RESF1: variants seen among roughly 807,000 people sequenced by gnomAD.
RESF1 encodes gonad expressed transcript.
Under a neutral mutation model 134.7 loss-of-function variants are expected in RESF1, and 65 were observed. The observed-to-expected ratio is 0.48, with a 90% CI of 0.40 to 0.59. The LOEUF is 0.59. Among genes scored for constraint, RESF1 ranks in the 20% least tolerant of loss-of-function variants. The pLI is 0.00. For synonymous variants in RESF1, 762 were observed against 702.2 expected, an observed-to-expected ratio of 1.09 and a Z score of -1.35; for missense variants, 2,274 against 2,002.7, an observed-to-expected ratio of 1.14 and a Z score of -2.59.
In RESF1 at chr12:31,982,288, C is replaced by G. The variant is rs780974777; in HGVS notation, c.1333C>G (p.Leu445Val). ...SEPAQNSKLS[L>V]KQTAKIQSGP... ...ACCAGCTCAGAATTCTAAATTGTCTCTAAAACAAACTGCCAAAATCCAGTC... is the reference window on the plus strand; with the variant it reads ...ACCAGCTCAGAATTCTAAATTGTCTGTAAAACAAACTGCCAAAATCCAGTC... Residue 445 changes from leucine to valine, a missense_variant, in exon 4 of 6, where the codon CTA (leucine) becomes GTA (valine). Coordinates refer to ENST00000312561, the MANE Select transcript of RESF1 (RefSeq NM_018169.4). 1.9e-6 allele frequency: 3 copies of G among 1,614,088 alleles called. No homozygotes were observed. In the South Asian group the frequency reaches 3.3e-5, roughly 18 times the overall value.
At position 31,981,076 on chromosome 12, in the gene RESF1, A is replaced by C; in HGVS notation, c.121A>C (p.Ser41Arg). ...TACCACAACATCTCAGAGTTCTTTC[A>C]GCTATCCTGGAAGTAACCAAGAAGC... ...QITTTSQSSF[S>R]YPGSNQEACM... The change falls in exon 4 of 6, where the codon AGC becomes CGC. Residue 41 changes from serine (S) to arginine (R), a missense_variant. Ser to Arg is a moderately radical substitution (Grantham distance 110, BLOSUM62 -1). Transcript: ENST00000312561. 6.2e-7 allele frequency: 1 copy of C among 1,614,192 alleles called. No homozygotes were observed. Among genetic ancestry groups the C allele is most frequent in the South Asian group, 1.1e-5 (1 of 91,084 alleles).
chr12:31,961,164 GTTTA>G (rs146347920), intron 2 of RESF1, among the ~76,000 whole-genome samples: 2,100 of 152,304 alleles, frequency 0.014, 31 homozygotes, highest in African/African-American at 0.047. Flanking sequence ...TCTGTGCTGT[GTTTA>G]TTTGATTGTT....
chr12:31,965,610 C>T (rs1482773064), intron 2 of RESF1, among the ~76,000 whole-genome samples: 1 of 152,298 alleles, frequency 6.6e-6, no homozygotes, highest in Admixed American at 6.5e-5. Context: ...TTTAGAGGAA[C>T]TCTTCTGTTC....
chr12:31,990,478 C>T (rs1046251272), intron 5 of RESF1, among the ~76,000 whole-genome samples: 12 of 152,086 alleles, frequency 7.9e-5, no homozygotes, highest in Non-Finnish European at 1.3e-4. Context: ...TAGACAGTCT[C>T]GCTGTGTCGC....
intron 3 of RESF1, among the ~76,000 whole-genome samples, chr12:31,975,483 C>G (rs897575715): frequency 6.6e-6 from 1 of 152,126 alleles, no homozygotes; most frequent in Non-Finnish European, 1.5e-5. Context: ...TATGCATCTA[C>G]TATTATAAGA....
At chr12:31,972,345 G>A (rs540284474) in intron 3 of RESF1, among the ~76,000 whole-genome samples, 7 of 151,914 alleles carry the variant, frequency 4.6e-5, no homozygotes, top group East Asian at 1.9e-4. Context: ...AGTGGCTCAC[G>A]CCTGTAATCC....
Position 31,992,717 on chromosome 12 carries a change from TAAGAAATGGA to T in RESF1, c.*183_*192del. ...CTTGAGAACTTTGGGTAGCCATGTG[TAAGAAATGGA>T]TGGTATTCACCGGGGAAACAAGGTA... is the stretch of plus-strand genomic sequence containing the variant. On this transcript the variant is annotated 3_prime_UTR_variant, in exon 6 of 6. Coordinates refer to ENST00000312561, the MANE Select transcript of RESF1 (RefSeq NM_018169.4). The T allele has an allele frequency of 3.2e-6, 2 of 625,202 alleles. No homozygotes were observed. Among genetic ancestry groups the T allele is most frequent in the Non-Finnish European group, 5.7e-6 (2 of 353,260 alleles). 38.7% of individuals were successfully genotyped at this position (625,202 alleles called of 1,614,324 possible). A position where few individuals can be genotyped will look rare whatever the true frequency, so the allele number is the denominator to read the frequency against.
At chr12:31,963,362 C>A (rs150252221) in intron 2 of RESF1, among the ~76,000 whole-genome samples, 13 of 151,000 alleles carry the variant, frequency 8.6e-5, no homozygotes, top group African/African-American at 3.2e-4. Flanking sequence ...AAAAAAAGTT[C>A]ATGGAGCACA....
intron 3 of RESF1, among the ~76,000 whole-genome samples, chr12:31,978,350 T>G (rs1318784471): frequency 1.3e-5 from 2 of 152,154 alleles, no homozygotes; most frequent in Admixed American, 6.5e-5. Flanking sequence ...CATCTGATAC[T>G]CAGTTTTGTG....
chr12:31,980,335 T>C (rs879386957), intron 3 of RESF1, among the ~76,000 whole-genome samples: 1 of 152,092 alleles, frequency 6.6e-6, no homozygotes, highest in Non-Finnish European at 1.5e-5. Flanking sequence ...GGTCTCAAAC[T>C]CTTGGCCTCA....
Position 31,980,929 on chromosome 12 carries a change from A to G in RESF1, c.-27A>G. The G allele has an allele frequency of 6.5e-7, 1 of 1,527,192 alleles. No homozygotes were observed. Among genetic ancestry groups the G allele is most frequent in the Non-Finnish European group, 8.9e-7 (1 of 1,127,068 alleles). The allele number at this position is 1,527,192 out of a possible 1,614,324, so 94.6% of individuals were successfully genotyped here. ...GTAACTGACTTATAACTGACTTGTAATACACTGCTACTATATCAAACCGAC... is the reference window on the plus strand; with the variant it reads ...GTAACTGACTTATAACTGACTTGTAGTACACTGCTACTATATCAAACCGAC... On this transcript the variant is annotated 5_prime_UTR_variant, in exon 4 of 6. Coordinates refer to ENST00000312561, the MANE Select transcript of RESF1 (RefSeq NM_018169.4).
Position 31,984,803 on chromosome 12 carries a change from G to A in RESF1, c.3848G>A (p.Cys1283Tyr), listed in dbSNP as rs1235799968. ...ELVAGQFSSK[C>Y]DKLNPLQNHK... ...GTTGCTGGTCAGTTTTCATCTAAAT[G>A]TGATAAACTAAATCCCTTGCAAAAT... The change falls in exon 4 of 6, where the codon TGT becomes TAT. Residue 1283 changes from cysteine (C) to tyrosine (Y), a missense_variant. Transcript: ENST00000312561. The A allele has an allele frequency of 6.2e-7, 1 of 1,609,904 alleles. No individual in the cohort carries two copies. The highest frequency in any genetic ancestry group is 1.7e-5 in the Admixed American group (1 of 58,980).
chr12:31,969,445 A>T (rs996491874), intron 2 of RESF1, among the ~76,000 whole-genome samples: 2 of 152,300 alleles, frequency 1.3e-5, no homozygotes, highest in African/African-American at 4.8e-5. Flanking sequence ...TGGAGTTGGC[A>T]GTGAGCTGAG....
intron 2 of RESF1, among the ~76,000 whole-genome samples, chr12:31,966,168 G>A (rs1369777181): frequency 6.6e-6 from 1 of 151,718 alleles, no homozygotes; most frequent in Admixed American, 6.6e-5. Context: ...AAAAAAAATT[G>A]CAAAAAAAAA....
Position 31,980,869 on chromosome 12 carries a change from T to C in RESF1, c.-78-9T>C, listed in dbSNP as rs532510407. The C allele has an allele frequency of 1.4e-5, 14 of 993,004 alleles. No homozygotes were observed. The Admixed American group carries it at 3.0e-4, about 21-fold the overall frequency. The allele number at this position is 993,004 out of a possible 1,614,324, so 61.5% of individuals were successfully genotyped here. A position where few individuals can be genotyped will look rare whatever the true frequency, so the allele number is the denominator to read the frequency against. Reference sequence around the variant, plus strand: ...CAGCATTTTAATAAAATATCTTTATTTCTTACAGATTCCTGACATTCAGAC... The same window carrying C: ...CAGCATTTTAATAAAATATCTTTATCTCTTACAGATTCCTGACATTCAGAC... On this transcript the variant is annotated splice_polypyrimidine_tract_variant and intron_variant, in intron 3 of 5. Coordinates refer to ENST00000312561, the MANE Select transcript of RESF1 (RefSeq NM_018169.4).
intron 4 of RESF1, among the ~76,000 whole-genome samples, 166 bp downstream of exon 4, chr12:31,986,123 A>G (rs1275843324): frequency 6.6e-6 from 1 of 152,194 alleles, no homozygotes; most frequent in African/African-American, 2.4e-5. Flanking sequence ...TCATTGGGCA[A>G]TATTTGTTTT....
intron 3 of RESF1, among the ~76,000 whole-genome samples, chr12:31,976,544 A>G (rs777478426): frequency 6.6e-4 from 100 of 152,172 alleles, no homozygotes; most frequent in Admixed American, 2.9e-3. Flanking sequence ...TTAGCCTGGC[A>G]TGGTGGTGGG....
chr12:31,960,197 C>CCTA (rs1398924912), intron 1 of RESF1, among the ~76,000 whole-genome samples: 1 of 152,144 alleles, frequency 6.6e-6, no homozygotes, highest in Non-Finnish European at 1.5e-5. Context: ...AGCAAACGTC[C>CCTA]TTAGGGTCCT....
At chr12:31,968,299 A>G (rs1388662962) in intron 2 of RESF1, among the ~76,000 whole-genome samples, 2 of 152,212 alleles carry the variant, frequency 1.3e-5, no homozygotes, top group East Asian at 1.9e-4. Context: ...TAGTATTTTA[A>G]TGTATATTAT....
Sources: gnomAD v4.1 joint callset for allele counts (sites outside exome capture counted in the v4.1 genomes callset) on GRCh38, gnomAD v4.1.1 for gene constraint, MANE v1.5 for transcripts, NCBI Gene and HGNC (gene_info 2026-07-23, HGNC 2026-07-21) for gene names.